The following MLLT3 variants were observed in gnomAD, a reference collection of about 807,000 sequenced individuals.
MLLT3 encodes the protein protein AF-9.
In MLLT3, 4 loss-of-function variants were observed where a neutral mutation model predicts 53.2. The observed-to-expected ratio is 0.08, with a 90% CI of 0.04 to 0.17. The LOEUF (loss-of-function observed/expected upper bound fraction) is 0.17. MLLT3 is among the 10% of genes least tolerant of loss of function. MLLT3 has a pLI of 1.00. For synonymous variants in MLLT3, 283 were observed against 230.6 expected (o/e 1.23, Z -2.06); for missense variants, 569 against 684.0 (o/e 0.83, Z 1.87).
chr9:20,490,132 G>A (rs1824911680), intron 2 of MLLT3, among the ~76,000 whole-genome samples: 1 of 152,166 alleles, frequency 6.6e-6, no homozygotes, highest in South Asian at 2.1e-4. Context: ...CACTGATTAA[G>A]TACCATGACA....
At chr9:20,497,197 G>C (rs1020934251) in intron 2 of MLLT3, among the ~76,000 whole-genome samples, 4 of 152,156 alleles carry the variant, frequency 2.6e-5, no homozygotes, top group Admixed American at 1.3e-4. Context: ...ACAGACAGTA[G>C]AATATGGCCT....
chr9:20,446,904 T>A (rs1235278536), intron 4 of MLLT3, among the ~76,000 whole-genome samples: 2 of 152,208 alleles, frequency 1.3e-5, no homozygotes, highest in African/African-American at 4.8e-5. Flanking sequence ...GCATTTCATT[T>A]CCAAAGCTGG....
intron 2 of MLLT3, among the ~76,000 whole-genome samples, chr9:20,560,208 A>G (rs1304873924): frequency 4.6e-5 from 7 of 152,300 alleles, no homozygotes; most frequent in African/African-American, 1.7e-4. Context: ...TGCATAAGTT[A>G]AAGTGAAGAA....
chr9:20,551,436 T>G (rs976578934), intron 2 of MLLT3, among the ~76,000 whole-genome samples: 1 of 152,224 alleles, frequency 6.6e-6, no homozygotes, highest in Non-Finnish European at 1.5e-5. Context: ...AATTATTACA[T>G]GGACCTGCTT....
At chr9:20,589,326 T>C (rs1316315881) in intron 2 of MLLT3, among the ~76,000 whole-genome samples, 4 of 150,860 alleles carry the variant, frequency 2.7e-5, no homozygotes, top group Non-Finnish European at 4.4e-5. Context: ...CAGTAAACTA[T>C]CGCAAGAACA....
At chr9:20,434,129 AAAAAT>A (rs1222767756) in intron 4 of MLLT3, among the ~76,000 whole-genome samples, 3 of 152,102 alleles carry the variant, frequency 2.0e-5, no homozygotes, top group African/African-American at 7.2e-5. Context: ...CAAAAAAATA[AAAAAT>A]AAAAAAATAA....
chr9:20,612,743 CAA>C (rs1262108432), intron 2 of MLLT3, among the ~76,000 whole-genome samples: 1 of 151,380 alleles, frequency 6.6e-6, no homozygotes, highest in Non-Finnish European at 1.5e-5. Flanking sequence ...TAAATGAAAA[CAA>C]AAAGATACCA....
At chr9:20,502,095 G>A (rs1055035763) in intron 2 of MLLT3, among the ~76,000 whole-genome samples, 17 of 55,576 alleles carry the variant, frequency 3.1e-4, no homozygotes, top group Non-Finnish European at 3.8e-4. Flanking sequence ...AAAAAAAAAG[G>A]GGGGGGGGGG....
At chr9:20,482,821 C>T (rs1218917137) in intron 2 of MLLT3, among the ~76,000 whole-genome samples, 4 of 152,158 alleles carry the variant, frequency 2.6e-5, no homozygotes, top group African/African-American at 9.7e-5. Flanking sequence ...TTAGAGGGAA[C>T]ACCCACACCT....
chr9:20,402,351 C>T (rs1327287641), intron 5 of MLLT3, among the ~76,000 whole-genome samples: 1 of 152,060 alleles, frequency 6.6e-6, no homozygotes, highest in Non-Finnish European at 1.5e-5. Context: ...TATGAAGGTG[C>T]CATAGTCTAA....
At chr9:20,601,527 T>C (rs1295034452) in intron 2 of MLLT3, among the ~76,000 whole-genome samples, 1 of 152,144 alleles carries the variant, frequency 6.6e-6, no homozygotes, top group African/African-American at 2.4e-5. Context: ...GTTGGAAACT[T>C]TGTGACTCCA....
chr9:20,580,322 T>A (rs1819759551), intron 2 of MLLT3, among the ~76,000 whole-genome samples: 1 of 152,038 alleles, frequency 6.6e-6, no homozygotes, highest in South Asian at 2.1e-4. Flanking sequence ...GTGATAAGAG[T>A]CCCATCTAAC....
chr9:20,514,811 A>G (rs1165968189), intron 2 of MLLT3, among the ~76,000 whole-genome samples: 3 of 152,194 alleles, frequency 2.0e-5, no homozygotes, highest in Non-Finnish European at 4.4e-5. Flanking sequence ...CAGGGACATG[A>G]AAGTTCTACT....
Position 20,549,415 on chromosome 9 carries a change from C to T in MLLT3, c.193+71239G>A, listed in dbSNP as rs997462838. Among the ~76,000 whole-genome samples, 5 of 152,166 alleles carry T rather than the reference C, an allele frequency of 3.3e-5. No homozygotes were observed. The South Asian group carries it at 1.0e-3, about 32-fold the overall frequency. ...CAACGACTAACTCAAATAGTTCCTA[C>T]TAATAATATTAGTAGTAATAATAAT... is the stretch of plus-strand genomic sequence containing the variant. On this transcript the variant is annotated intron_variant, in intron 2 of 10. Coordinates refer to ENST00000380338, the MANE Select transcript of MLLT3 (RefSeq NM_004529.4).
intron 2 of MLLT3, among the ~76,000 whole-genome samples, chr9:20,552,946 A>G (rs1818962443): frequency 6.6e-6 from 1 of 152,140 alleles, no homozygotes; most frequent in Admixed American, 6.6e-5. Flanking sequence ...GTAAAAAAAT[A>G]AAATTTTTGT....
chr9:20,394,639 C>G (rs1017020928), intron 5 of MLLT3, among the ~76,000 whole-genome samples: 2 of 152,072 alleles, frequency 1.3e-5, no homozygotes, highest in Non-Finnish European at 2.9e-5. Flanking sequence ...GTTGTAACTT[C>G]CACCACAGAG....
intron 2 of MLLT3, among the ~76,000 whole-genome samples, chr9:20,619,897 A>C (rs1271051412): frequency 6.6e-6 from 1 of 152,248 alleles, no homozygotes; most frequent in African/African-American, 2.4e-5. Flanking sequence ...GGCTTCCTCC[A>C]CATCGTTCCT....
intron 2 of MLLT3, among the ~76,000 whole-genome samples, chr9:20,485,947 C>G (rs1306813245): frequency 6.6e-6 from 1 of 152,128 alleles, no homozygotes; most frequent in Non-Finnish European, 1.5e-5. Flanking sequence ...AAACCTTGTA[C>G]TATATACATA....
At chr9:20,397,027 T>C (rs1026380499) in intron 5 of MLLT3, among the ~76,000 whole-genome samples, 19 of 152,168 alleles carry the variant, frequency 1.2e-4, no homozygotes, top group South Asian at 2.1e-4. Context: ...TGATGCAGAA[T>C]CAAGCAGTTT....
Sources: allele counts gnomAD v4.1 joint callset (sites outside exome capture counted in the v4.1 genomes callset), GRCh38; gene constraint gnomAD v4.1.1; transcripts MANE v1.5; gene names NCBI Gene and HGNC (gene_info 2026-07-23, HGNC 2026-07-21).